The following RBFOX1 variants were observed in gnomAD, a reference collection of about 807,000 sequenced individuals.
The protein encoded by RBFOX1 is RNA binding protein fox-1 homolog 1.
In RBFOX1, 8 loss-of-function variants were observed where a neutral mutation model predicts 57.7. That is an observed-to-expected ratio of 0.14 (90% CI 0.08 to 0.25). The LOEUF (loss-of-function observed/expected upper bound fraction) is 0.25. Ranked by LOEUF, RBFOX1 falls within the 10% of genes least tolerant of loss-of-function variation. The pLI is 1.00. For missense variants in RBFOX1, 611 were observed against 548.5 expected, an observed-to-expected ratio of 1.11 and a Z score of -1.14; for synonymous variants, 326 against 222.4, an observed-to-expected ratio of 1.47 and a Z score of -4.15.
At chr16:7,266,866 G>A (rs2095163290) in intron 4 of RBFOX1, among the ~76,000 whole-genome samples, 1 of 152,168 alleles carries the variant, frequency 6.6e-6, no homozygotes, top group South Asian at 2.1e-4. Context: ...TGTTTGAGCA[G>A]GTGACTTAGG....
chr16:6,648,138 C>T (rs936008393), intron 2 of RBFOX1, among the ~76,000 whole-genome samples: 3 of 150,924 alleles, frequency 2.0e-5, no homozygotes, highest in South Asian at 2.1e-4. Context: ...CCACTGCACC[C>T]GGCTTCAAGT....
At chr16:6,550,427 G>C (rs182688592) in intron 2 of RBFOX1, among the ~76,000 whole-genome samples, 1 of 152,296 alleles carries the variant, frequency 6.6e-6, no homozygotes, top group East Asian at 1.9e-4. Context: ...GTGGCCTCAA[G>C]TGATCTGTTC....
At chr16:7,338,942 T>G (rs2096843128) in intron 4 of RBFOX1, among the ~76,000 whole-genome samples, 1 of 152,164 alleles carries the variant, frequency 6.6e-6, no homozygotes, top group Admixed American at 6.5e-5. Flanking sequence ...CATGCACACC[T>G]GATATAAATG....
chr16:5,701,810 G>C (rs1175817509), intron 3 of RBFOX1, among the ~76,000 whole-genome samples: 1 of 152,166 alleles, frequency 6.6e-6, no homozygotes, highest in East Asian at 1.9e-4. Context: ...AGGTCATCTG[G>C]ACGTTCATCA....
chr16:6,305,960 G>A (rs752459916), intron 1 of RBFOX1, among the ~76,000 whole-genome samples: 11 of 152,090 alleles, frequency 7.2e-5, no homozygotes, highest in Admixed American at 1.3e-4. Flanking sequence ...GTGCAGGGTG[G>A]TCCATGAAAG....
At chr16:6,878,738 T>C (rs761814216) in intron 3 of RBFOX1, among the ~76,000 whole-genome samples, 54 of 152,162 alleles carry the variant, frequency 3.5e-4, no homozygotes, top group Non-Finnish European at 1.5e-4. Flanking sequence ...AAACCTGATA[T>C]ATCCCATGAG....
Position 5,668,300 on chromosome 16 carries a change from A to AC in RBFOX1, c.318+69339_318+69340insC, listed in dbSNP as rs34652072. ...CATCTCAAAAACAACAAAAACACCA[A>AC]TTTAAAAAAAAAGAATTGCTAAAAT... On this transcript the variant is annotated intron_variant, in intron 3 of 19. Coordinates refer to the RBFOX1 transcript ENST00000641259. 4.1e-5 allele frequency among the ~76,000 whole-genome samples: 6 copies of AC among 147,170 alleles called. No homozygotes were observed. In the East Asian group the frequency reaches 7.9e-4, roughly 19 times the overall value.
chr16:6,584,877 T>C (rs1291640610), intron 2 of RBFOX1, among the ~76,000 whole-genome samples: 1 of 152,150 alleles, frequency 6.6e-6, no homozygotes, highest in Non-Finnish European at 1.5e-5. Context: ...AAAAATGAGA[T>C]GTCTGGTCAT....
chr16:6,502,723 A>T lies in RBFOX1; in HGVS notation c.-63-151880A>T, dbSNP rs549593033. 9.2e-5 allele frequency among the ~76,000 whole-genome samples: 14 copies of T among 152,238 alleles called. 1 individual carries two copies. In the South Asian group the frequency reaches 2.9e-3, roughly 32 times the overall value. ...TGCCATTACCACCGGACCCCTATGT[A>T]GGACTCATCTCCTCTAGGGTAAGGT... is the stretch of plus-strand genomic sequence containing the variant. On this transcript the variant is annotated intron_variant, in intron 2 of 15. Coordinates refer to ENST00000550418, the MANE Select transcript of RBFOX1 (RefSeq NM_018723.4).
At chr16:5,869,113 G>T (rs1360581465) in intron 4 of RBFOX1, among the ~76,000 whole-genome samples, 1 of 152,064 alleles carries the variant, frequency 6.6e-6, no homozygotes, top group Non-Finnish European at 1.5e-5. Flanking sequence ...TGTCTGGCAG[G>T]GTACAAAGTG....
chr16:5,952,429 T>G (rs11642372), intron 4 of RBFOX1, among the ~76,000 whole-genome samples: 71,064 of 151,824 alleles, frequency 0.47, 17,201 homozygotes, highest in East Asian at 0.6. Context: ...GGGATTATAG[T>G]CGTGTGCCAC....
chr16:6,915,154 G>A (rs2072799663), intron 3 of RBFOX1, among the ~76,000 whole-genome samples: 1 of 152,194 alleles, frequency 6.6e-6, no homozygotes, highest in African/African-American at 2.4e-5. Flanking sequence ...CAGACTCGGG[G>A]TCAAGGCACT....
chr16:7,092,783 T>C (rs2061076655), intron 4 of RBFOX1, among the ~76,000 whole-genome samples: 1 of 152,216 alleles, frequency 6.6e-6, no homozygotes, highest in Non-Finnish European at 1.5e-5. Flanking sequence ...CACCTGTTGA[T>C]TGCAGTTCAC....
chr16:6,018,288 G>A, upstream of RBFOX1, among the ~76,000 whole-genome samples: 2 of 152,064 alleles, frequency 1.3e-5, 1 homozygote, highest in Non-Finnish European at 2.9e-5. Flanking sequence ...ACCCAGGAAG[G>A]GAGAAATATT....
chr16:6,008,902 A>T (rs1443375564), intron 4 of RBFOX1, among the ~76,000 whole-genome samples: 2 of 152,170 alleles, frequency 1.3e-5, no homozygotes, highest in Non-Finnish European at 2.9e-5. Context: ...GAACACAGAG[A>T]CGAATCAAAG....
At chr16:7,388,685 G>A (rs935489242) in intron 4 of RBFOX1, among the ~76,000 whole-genome samples, 2 of 115,912 alleles carry the variant, frequency 1.7e-5, no homozygotes, top group Admixed American at 1.0e-4. Context: ...TATGAATGAC[G>A]TGAAACCTTT....
At chr16:7,673,335 G>A (rs1476191009) in intron 13 of RBFOX1, among the ~76,000 whole-genome samples, 1 of 152,178 alleles carries the variant, frequency 6.6e-6, no homozygotes, top group Non-Finnish European at 1.5e-5. Flanking sequence ...TAATTTAACT[G>A]AGCATCTGCC....
chr16:6,940,078 G>A (rs2078095307), intron 3 of RBFOX1, among the ~76,000 whole-genome samples: 1 of 152,142 alleles, frequency 6.6e-6, no homozygotes, highest in African/African-American at 2.4e-5. Context: ...AGTAATCCCA[G>A]TTACTTGGGA....
At chr16:6,606,112 A>G (rs1002544049) in intron 2 of RBFOX1, among the ~76,000 whole-genome samples, 1 of 149,600 alleles carries the variant, frequency 6.7e-6, no homozygotes, top group Non-Finnish European at 1.5e-5. Context: ...CTGTCTCAAA[A>G]AAGAAAAAAA....
Sources: gnomAD v4.1 joint callset for allele counts (sites outside exome capture counted in the v4.1 genomes callset) on GRCh38, gnomAD v4.1.1 for gene constraint, MANE v1.5 for transcripts, NCBI Gene and HGNC (gene_info 2026-07-23, HGNC 2026-07-21) for gene names.